Variants in LRRC49 observed in about 807,000 individuals in gnomAD.
LRRC49 encodes the protein leucine rich repeat containing 49.
In LRRC49, 50 loss-of-function variants were observed where a neutral mutation model predicts 83.3. The ratio of observed to expected loss-of-function variants is 0.60; its 90% CI spans 0.48 to 0.76. The LOEUF (loss-of-function observed/expected upper bound fraction) is 0.76, where lower values mean the gene tolerates loss of function less well. LRRC49 is among the 30% of genes least tolerant of loss of function. The pLI, the probability that LRRC49 is intolerant of heterozygous loss-of-function variation, is 0.00. For missense variants in LRRC49, 704 were observed against 809.1 expected (o/e 0.87, Z 1.58); for synonymous variants, 286 against 283.3 (o/e 1.01, Z -0.10).
At chr15:70,913,944 C>T (rs1388250167) in intron 6 of LRRC49, among the ~76,000 whole-genome samples, 4 of 151,798 alleles carry the variant, frequency 2.6e-5, no homozygotes, top group Non-Finnish European at 5.9e-5. Flanking sequence ...AATGTCTGTT[C>T]CTTGTTAGCT....
At chr15:70,963,174 G>T (rs1330885379) in intron 8 of LRRC49, among the ~76,000 whole-genome samples, 1 of 150,908 alleles carries the variant, frequency 6.6e-6, no homozygotes, top group Admixed American at 6.6e-5. Flanking sequence ...TACTTGGGTT[G>T]CTCAGGTGGG....
At chr15:70,923,887 G>A (rs1025169880) in intron 7 of LRRC49, among the ~76,000 whole-genome samples, 30 of 151,284 alleles carry the variant, frequency 2.0e-4, no homozygotes, top group Non-Finnish European at 3.4e-4. Flanking sequence ...CACATACTTC[G>A]GTATGTATTT....
At chr15:70,866,641 A>G (rs1417645143) in intron 1 of LRRC49, among the ~76,000 whole-genome samples, 1 of 152,186 alleles carries the variant, frequency 6.6e-6, no homozygotes, top group Admixed American at 6.5e-5. Flanking sequence ...CTAAGTCCTC[A>G]GGGTCTTCAT....
chr15:70,871,437 A>G (rs1192384595), intron 1 of LRRC49, among the ~76,000 whole-genome samples: 6 of 151,958 alleles, frequency 3.9e-5, no homozygotes, highest in Admixed American at 1.3e-4. Flanking sequence ...CCCCATCGTC[A>G]TCATGGCCCG....
chr15:70,892,821 C>G, upstream of LRRC49: 1 of 1,613,956 alleles, frequency 6.2e-7, no homozygotes, highest in Non-Finnish European at 8.5e-7. Flanking sequence ...TGACCTCTTT[C>G]GGGTCTCTTT....
intron 14 of LRRC49, 117 bp downstream of exon 14, chr15:71,013,030 T>A: frequency 1.5e-6 from 1 of 646,862 alleles, no homozygotes; most frequent in Non-Finnish European, 2.7e-6. Context: ...TATCCTAGAC[T>A]GGCCTATTGA....
chr15:70,895,505 C>T (rs1338479909), intron 2 of LRRC49: 2 of 165,114 alleles, frequency 1.2e-5, no homozygotes, highest in Non-Finnish European at 2.6e-5. Flanking sequence ...TAAAATTGAT[C>T]CTGATTTTGT....
At chr15:70,854,188 G>C (rs1049199935) in intron 1 of LRRC49, 1 of 886,776 alleles carries the variant, frequency 1.1e-6, no homozygotes, top group Non-Finnish European at 1.4e-6. Context: ...GTGCGAGCGC[G>C]CCTGCCGCTC....
Position 70,892,877 on chromosome 15 carries a change from C to T in LRRC49, c.-18C>T. On this transcript the variant is annotated 5_prime_UTR_variant, in exon 1 of 16. Transcript: ENST00000260382. ...CCTGGAAGGCAGATCTAACAGAGAA[C>T]CTGGACTGTCTCCTATCATGATTCC... 6.2e-7 allele frequency: 1 copy of T among 1,614,176 alleles called. No homozygotes were observed. The highest frequency in any genetic ancestry group is 1.1e-5 in the South Asian group (1 of 91,082).
Position 71,038,428 on chromosome 15 carries a change from G to A in LRRC49, c.1857+1096G>A, listed in dbSNP as rs146209185. On this transcript the variant is annotated intron_variant, in intron 15 of 15. Coordinates refer to ENST00000260382, the MANE Select transcript of LRRC49 (RefSeq NM_017691.5). ...CAGCAGAGCTGCTGTTGTTATAGAG[G>A]AAAAGTAGGAAATTCAGAGTTTCAT... is the stretch of plus-strand genomic sequence containing the variant. Among the ~76,000 whole-genome samples, 747 of 152,128 alleles carry A rather than the reference G, an allele frequency of 4.9e-3. 11 individuals carry two copies. The highest frequency in any genetic ancestry group is 0.018 in the African/African-American group (727 of 41,536).
intron 11 of LRRC49, among the ~76,000 whole-genome samples, chr15:70,990,865 G>A (rs935423036): frequency 6.6e-6 from 1 of 152,132 alleles, no homozygotes; most frequent in Non-Finnish European, 1.5e-5. Context: ...TCCCGCCCTA[G>A]CTAACTTCAG....
chr15:70,925,036 T>C (rs2141140303), intron 7 of LRRC49, among the ~76,000 whole-genome samples: 1 of 152,196 alleles, frequency 6.6e-6, no homozygotes, highest in Admixed American at 6.5e-5. Flanking sequence ...TGGAACTATC[T>C]TATTTTATTA....
intron 8 of LRRC49, among the ~76,000 whole-genome samples, chr15:70,947,241 T>C (rs2036041821): frequency 6.6e-6 from 1 of 152,166 alleles, no homozygotes; most frequent in Admixed American, 6.5e-5. Context: ...TAGTGATAGC[T>C]AGTAGCTGAT....
intron 9 of LRRC49, among the ~76,000 whole-genome samples, chr15:70,979,826 C>T (rs2037336680): frequency 6.6e-6 from 1 of 152,134 alleles, no homozygotes; most frequent in Non-Finnish European, 1.5e-5. Context: ...TGCAAACATA[C>T]TTCTCCTTTT....
intron 14 of LRRC49, among the ~76,000 whole-genome samples, chr15:71,036,003 T>G (rs1283546061): frequency 6.6e-6 from 1 of 152,196 alleles, no homozygotes; most frequent in Non-Finnish European, 1.5e-5. Context: ...CTCCAGCATC[T>G]GTTGTTTCCT....
intron 1 of LRRC49, among the ~76,000 whole-genome samples, chr15:70,871,587 C>T (rs908076872): frequency 6.6e-6 from 1 of 151,188 alleles, no homozygotes; most frequent in Admixed American, 6.6e-5. Flanking sequence ...GGGCTGCCCC[C>T]CACCTCCTGG....
intron 2 of LRRC49, among the ~76,000 whole-genome samples, chr15:70,885,280 A>G (rs1386607199): frequency 6.6e-6 from 1 of 152,222 alleles, no homozygotes; most frequent in Non-Finnish European, 1.5e-5. Flanking sequence ...TAAGATTTAA[A>G]AGTATAACAT....
At chr15:70,982,810 C>G (rs2037451956) in intron 10 of LRRC49, among the ~76,000 whole-genome samples, 1 of 152,190 alleles carries the variant, frequency 6.6e-6, no homozygotes, top group African/African-American at 2.4e-5. Flanking sequence ...AGAAATAGAA[C>G]TTTTAAAACT....
chr15:70,883,192 T>G (rs1003650019), intron 2 of LRRC49, among the ~76,000 whole-genome samples: 1 of 151,934 alleles, frequency 6.6e-6, no homozygotes, highest in African/African-American at 2.4e-5. Flanking sequence ...CTAGAAGAGA[T>G]AATACTTTTT....
Sources: allele counts gnomAD v4.1 joint callset (sites outside exome capture counted in the v4.1 genomes callset), GRCh38; gene constraint gnomAD v4.1.1; transcripts MANE v1.5; gene names NCBI Gene and HGNC (gene_info 2026-07-23, HGNC 2026-07-21).